The following MELK variants were observed in gnomAD, a reference collection of about 807,000 sequenced individuals.
MELK encodes maternal embryonic leucine zipper kinase.
MELK carries 81 observed loss-of-function variants against 85.0 expected under a neutral mutation model. The ratio of observed to expected loss-of-function variants is 0.95; its 90% CI spans 0.80 to 1.15. The LOEUF (loss-of-function observed/expected upper bound fraction) is 1.15. Ranked by LOEUF, MELK falls within the 50% of genes most tolerant of loss-of-function variation. The pLI, the probability that MELK is intolerant of heterozygous loss-of-function variation, is 0.00. For synonymous variants in MELK, 252 were observed against 265.0 expected (o/e 0.95, Z 0.48); for missense variants, 754 against 777.5 (o/e 0.97, Z 0.36).
At chr9:36,675,001 G>A in intron 17 of MELK, 64 bp downstream of exon 17, 7 of 1,273,844 alleles carry the variant, frequency 5.5e-6, no homozygotes, top group Non-Finnish European at 7.9e-6. Context: ...GAAAATAGGA[G>A]TTGGTTGGGC....
chr9:36,668,305 TAA>T (rs1375204405), intron 14 of MELK, among the ~76,000 whole-genome samples: 3 of 152,158 alleles, frequency 2.0e-5, no homozygotes, highest in Non-Finnish European at 4.4e-5. Flanking sequence ...ACCAAGCCCC[TAA>T]TCTCTTTTAA....
intron 10 of MELK, among the ~76,000 whole-genome samples, chr9:36,639,945 C>A (rs746853106): frequency 6.6e-6 from 1 of 152,060 alleles, no homozygotes; most frequent in Non-Finnish European, 1.5e-5. Context: ...CAAGAGGATA[C>A]CAGGTATTAA....
intron 1 of MELK, among the ~76,000 whole-genome samples, chr9:36,575,626 G>A (rs1821582144): frequency 6.6e-6 from 1 of 152,110 alleles, no homozygotes; most frequent in Non-Finnish European, 1.5e-5. Flanking sequence ...AAAGTGCATG[G>A]CTTCAGTCTT....
intron 14 of MELK, among the ~76,000 whole-genome samples, chr9:36,668,657 C>A (rs148546709): frequency 1.3e-5 from 2 of 152,068 alleles, no homozygotes; most frequent in Non-Finnish European, 2.9e-5. Context: ...GGATTACAGG[C>A]GTGCGCCACC....
intron 4 of MELK, among the ~76,000 whole-genome samples, chr9:36,592,197 C>T (rs745545112): frequency 7.9e-5 from 10 of 126,784 alleles, no homozygotes; most frequent in Non-Finnish European, 1.1e-4. Flanking sequence ...TTTTTTGAGA[C>T]GGAGTCTCAC....
chr9:36,628,867 T>C (rs1012814775), intron 8 of MELK, among the ~76,000 whole-genome samples: 26 of 148,476 alleles, frequency 1.8e-4, no homozygotes, highest in Admixed American at 4.0e-4. Context: ...TATTTTCTTT[T>C]TTTTTTTTTT....
chr9:36,611,092 A>G (rs1826016198), intron 8 of MELK, among the ~76,000 whole-genome samples: 1 of 152,200 alleles, frequency 6.6e-6, no homozygotes, highest in South Asian at 2.1e-4. Flanking sequence ...ACATATTCCA[A>G]AGCCTGAAAT....
chr9:36,672,445 A>G (rs1275410050), intron 16 of MELK, among the ~76,000 whole-genome samples: 2 of 152,210 alleles, frequency 1.3e-5, no homozygotes, highest in Non-Finnish European at 2.9e-5. Flanking sequence ...ACTAACGGAT[A>G]ATGTTCTAAA....
intron 10 of MELK, 136 bp from the exon 11 acceptor site, chr9:36,642,861 C>T (rs1829885057): frequency 1.6e-6 from 1 of 640,688 alleles, no homozygotes; most frequent in Non-Finnish European, 2.6e-6. Context: ...ATTGATTCTT[C>T]CCCAAGAAAT....
At chr9:36,608,532 A>G (rs1825782584) in intron 8 of MELK, among the ~76,000 whole-genome samples, 1 of 151,888 alleles carries the variant, frequency 6.6e-6, no homozygotes, top group Admixed American at 6.6e-5. Context: ...GGGGGACTAC[A>G]GCATTCAGTT....
intron 17 of MELK, 126 bp from the exon 18 acceptor site, chr9:36,677,034 A>G (rs1471797893): frequency 1.3e-6 from 1 of 766,974 alleles, no homozygotes; most frequent in Non-Finnish European, 2.0e-6. Context: ...GGAAACTGTA[A>G]ACAGTAATAC....
At chr9:36,636,776 C>CTT (rs1829213278) in intron 10 of MELK, among the ~76,000 whole-genome samples, 2 of 131,088 alleles carry the variant, frequency 1.5e-5, no homozygotes, top group African/African-American at 6.3e-5. Context: ...TTCTTTCTTT[C>CTT]TTTCTTTCTG....
chr9:36,670,755 T>C (rs1303618186), intron 15 of MELK, among the ~76,000 whole-genome samples: 1 of 148,462 alleles, frequency 6.7e-6, no homozygotes, highest in Non-Finnish European at 1.5e-5. Context: ...GATATATATA[T>C]CCTTTTTTAA....
rs757220131 is a variant in MELK, at chr9:36,665,363, G to T, written c.1190G>T (p.Trp397Leu). 1 of 1,611,142 alleles carries T rather than the reference G, an allele frequency of 6.2e-7. No individual in the cohort carries two copies. Among genetic ancestry groups the T allele is most frequent in the Non-Finnish European group, 8.5e-7 (1 of 1,178,296 alleles). The change falls in exon 14 of 18, where the codon TGG becomes TTG. Residue 397 changes from tryptophan (W) to leucine (L), a missense_variant. Transcript: ENST00000298048. The part of the protein sequence containing the change: ...TPRTSQFTKY[W>L]TESNGVESKS... Reference sequence around the variant, plus strand: ...TTTTTTTTCCAGTTTACCAAGTACTGGACAGAATCAAATGGGGTGGAATCT... The same window carrying T: ...TTTTTTTTCCAGTTTACCAAGTACTTGACAGAATCAAATGGGGTGGAATCT...
At position 36,648,715 on chromosome 9, in the gene MELK, T is replaced by C. The variant is rs7037392; in HGVS notation, c.922-3031T>C. ...ATTTATCTCCAGGGAAAAGCTAAGA[T>C]AAATATCCTACTATATTAGTGGTTG... is the stretch of plus-strand genomic sequence containing the variant. On this transcript the variant is annotated intron_variant, in intron 11 of 17. Coordinates refer to ENST00000298048, the MANE Select transcript of MELK (RefSeq NM_014791.4). 1.6e-3 allele frequency among the ~76,000 whole-genome samples: 239 copies of C among 152,330 alleles called. 1 individual carries two copies. The highest frequency in any genetic ancestry group is 5.6e-3 in the African/African-American group (231 of 41,574).
intron 8 of MELK, among the ~76,000 whole-genome samples, chr9:36,619,030 C>G (rs865997353): frequency 2.0e-5 from 3 of 150,838 alleles, no homozygotes; most frequent in Admixed American, 6.6e-5. Flanking sequence ...ACGATCTCAG[C>G]TCACTGCAAC....
chr9:36,665,037 G>A (rs1342980850), intron 13 of MELK, among the ~76,000 whole-genome samples: 2 of 152,086 alleles, frequency 1.3e-5, no homozygotes, highest in Admixed American at 6.5e-5. Context: ...GAGGCAAGCC[G>A]TGACTATCTA....
At chr9:36,615,095 A>T in intron 8 of MELK, among the ~76,000 whole-genome samples, 1 of 101,072 alleles carries the variant, frequency 9.9e-6, no homozygotes, top group South Asian at 4.1e-4. Context: ...TCCCTCCCGG[A>T]CGGGGCGGCT....
intron 3 of MELK, among the ~76,000 whole-genome samples, chr9:36,588,057 A>G (rs901702016): frequency 6.7e-6 from 1 of 150,144 alleles, no homozygotes; most frequent in African/African-American, 2.5e-5. Flanking sequence ...GTGAGCCACC[A>G]CACCCAATCA....
Sources: gnomAD v4.1 joint callset for allele counts (sites outside exome capture counted in the v4.1 genomes callset) on GRCh38, gnomAD v4.1.1 for gene constraint, MANE v1.5 for transcripts, NCBI Gene and HGNC (gene_info 2026-07-23, HGNC 2026-07-21) for gene names.